The following ANKS1B variants were observed in gnomAD, a reference collection of about 807,000 sequenced individuals.
ANKS1B encodes ankyrin repeat and sterile alpha motif domain-containing protein 1B.
In ANKS1B, 36 loss-of-function variants were observed where a neutral mutation model predicts 148.3. The observed-to-expected ratio is 0.24, with a 90% CI of 0.19 to 0.32. The LOEUF is 0.32. Ranked by LOEUF, ANKS1B falls within the 10% of genes least tolerant of loss-of-function variation. The pLI is 1.00. For synonymous variants in ANKS1B, 542 were observed against 560.8 expected, an observed-to-expected ratio of 0.97 and a Z score of 0.47; for missense variants, 1,157 against 1,542.6, an observed-to-expected ratio of 0.75 and a Z score of 4.19.
At chr12:99,790,907 A>C (rs1344135217) in intron 4 of ANKS1B, among the ~76,000 whole-genome samples, 1 of 152,060 alleles carries the variant, frequency 6.6e-6, no homozygotes, top group Non-Finnish European at 1.5e-5. Context: ...ACAAAATGAC[A>C]GGAGTAAGTC....
intron 14 of ANKS1B, among the ~76,000 whole-genome samples, chr12:99,243,163 C>T (rs2089672848): frequency 6.6e-6 from 1 of 152,186 alleles, no homozygotes; most frequent in Non-Finnish European, 1.5e-5. Context: ...CTACAAAGAA[C>T]TTAAACAAAT....
rs538959953 is a variant in ANKS1B at position 99,667,586 on chromosome 12, C to T, written c.1129-12376G>A. ...ATCTTTATGCCTTTATTTTCTAGCCCTTGTCTTACTGCACTGGCCAGAATT... is the reference window on the plus strand; with the variant it reads ...ATCTTTATGCCTTTATTTTCTAGCCTTTGTCTTACTGCACTGGCCAGAATT... On this transcript the variant is annotated intron_variant, in intron 8 of 26. Transcript: ENST00000683438. Among the ~76,000 whole-genome samples the T allele has an allele frequency of 3.9e-5, 6 of 152,130 alleles. No homozygotes were observed. In the South Asian group the frequency reaches 1.0e-3, roughly 26 times the overall value.
chr12:99,416,630 T>G (rs370349284), intron 11 of ANKS1B, among the ~76,000 whole-genome samples: 97 of 152,334 alleles, frequency 6.4e-4, no homozygotes, highest in African/African-American at 2.3e-3. Context: ...GCTTATTTGC[T>G]GCCATCTACA....
At chr12:99,058,923 G>C (rs1337251773) in intron 16 of ANKS1B, among the ~76,000 whole-genome samples, 2 of 150,890 alleles carry the variant, frequency 1.3e-5, no homozygotes, top group Admixed American at 1.3e-4. Context: ...ATTTTTAGTA[G>C]AGACGGGGTT....
chr12:99,684,703 C>G (rs1316107570), intron 8 of ANKS1B, among the ~76,000 whole-genome samples: 2 of 152,106 alleles, frequency 1.3e-5, no homozygotes, highest in Admixed American at 6.6e-5. Context: ...GTCACCAAAA[C>G]AGCTTGGTAC....
intron 9 of ANKS1B, among the ~76,000 whole-genome samples, chr12:99,597,145 T>A (rs1597804612): frequency 6.6e-6 from 1 of 152,074 alleles, no homozygotes; most frequent in Non-Finnish European, 1.5e-5. Context: ...ATAATTGTAA[T>A]CTGTATTGCT....
intron 12 of ANKS1B, among the ~76,000 whole-genome samples, chr12:99,342,431 C>A (rs1472744559): frequency 6.6e-6 from 1 of 151,878 alleles, no homozygotes; most frequent in African/African-American, 2.4e-5. Flanking sequence ...TGTGGCTAAT[C>A]ATAGACAGTA....
chr12:98,979,532 A>G (rs1158272521), intron 17 of ANKS1B, among the ~76,000 whole-genome samples: 1 of 152,024 alleles, frequency 6.6e-6, no homozygotes, highest in Non-Finnish European at 1.5e-5. Context: ...CGGCCTCCCA[A>G]AGTGCTGGGA....
At position 98,901,574 on chromosome 12, in the gene ANKS1B, T is replaced by C. The variant is rs146908920; in HGVS notation, c.2779-69438A>G. Among the ~76,000 whole-genome samples, 182 of 152,352 alleles carry C rather than the reference T, an allele frequency of 1.2e-3. 1 individual carries two copies. Among genetic ancestry groups the C allele is most frequent in the Non-Finnish European group, 9.4e-4 (64 of 68,032 alleles). ...TAAATATGGATTTATAATCATGACATTGTGGAACTTTACCTCCCAATATGT... is the reference window on the plus strand; with the variant it reads ...TAAATATGGATTTATAATCATGACACTGTGGAACTTTACCTCCCAATATGT... On this transcript the variant is annotated intron_variant, in intron 17 of 26. Coordinates refer to ENST00000683438, the MANE Select transcript of ANKS1B (RefSeq NM_001352186.2).
rs557818156 is a variant in ANKS1B at position 99,163,894 on chromosome 12, C to T, written c.2420-9499G>A. 1.4e-4 allele frequency among the ~76,000 whole-genome samples: 21 copies of T among 152,202 alleles called. No individual in the cohort carries two copies. In the South Asian group the frequency reaches 4.1e-3, roughly 30 times the overall value. On this transcript the variant is annotated intron_variant, in intron 14 of 26. Transcript: ENST00000683438. ...CAGAGTGGCTGTACCATTTTACATT[C>T]CCATTAATAGTATACAAATGATGCA...
At chr12:99,395,948 T>C (rs1308275091) in intron 12 of ANKS1B, among the ~76,000 whole-genome samples, 1 of 152,128 alleles carries the variant, frequency 6.6e-6, no homozygotes, top group Non-Finnish European at 1.5e-5. Context: ...TACTTCTAAG[T>C]CAAGAAAAGG....
chr12:99,081,170 AC>A (rs1240941008), intron 16 of ANKS1B, among the ~76,000 whole-genome samples: 10 of 152,168 alleles, frequency 6.6e-5, no homozygotes, highest in Non-Finnish European at 1.3e-4. Context: ...AAAGGAATAA[AC>A]TTTTTTCTTT....
chr12:99,264,230 T>C (rs2076213148), intron 12 of ANKS1B, among the ~76,000 whole-genome samples: 1 of 152,062 alleles, frequency 6.6e-6, no homozygotes, highest in Non-Finnish European at 1.5e-5. Flanking sequence ...ACAATGAGAG[T>C]TTTCTTTTAT....
chr12:99,185,170 C>T (rs1327150847), intron 14 of ANKS1B, among the ~76,000 whole-genome samples: 1 of 152,118 alleles, frequency 6.6e-6, no homozygotes, highest in Non-Finnish European at 1.5e-5. Flanking sequence ...TAAAAAGTAT[C>T]AGATCATTGA....
At chr12:99,256,249 CAA>C (rs1249522263) in intron 12 of ANKS1B, among the ~76,000 whole-genome samples, 1 of 74,504 alleles carries the variant, frequency 1.3e-5, no homozygotes. Flanking sequence ...AACTCCATCT[CAA>C]AAAAAAAAAA....
chr12:99,071,667 A>G (rs1418473348), intron 16 of ANKS1B, among the ~76,000 whole-genome samples: 3 of 146,110 alleles, frequency 2.1e-5, no homozygotes, highest in Admixed American at 2.1e-4. Context: ...TTGTTTTTTG[A>G]GATGGAGTCT....
At chr12:99,012,702 T>C (rs1171125259) in intron 17 of ANKS1B, among the ~76,000 whole-genome samples, 2 of 152,200 alleles carry the variant, frequency 1.3e-5, no homozygotes, top group Non-Finnish European at 2.9e-5. Flanking sequence ...TTTTCTGCAC[T>C]TGGGTTGTAT....
chr12:99,292,580 A>G (rs1404917595), intron 12 of ANKS1B, among the ~76,000 whole-genome samples: 1 of 151,806 alleles, frequency 6.6e-6, no homozygotes, highest in East Asian at 1.9e-4. Context: ...GAATGGGAGA[A>G]AATTTTCACA....
At chr12:99,426,991 C>T (rs1427132843) in intron 11 of ANKS1B, among the ~76,000 whole-genome samples, 1 of 152,150 alleles carries the variant, frequency 6.6e-6, no homozygotes, top group African/African-American at 2.4e-5. Flanking sequence ...CTCCTAAATT[C>T]AACTCTATGG....
Sources: allele counts gnomAD v4.1 joint callset (sites outside exome capture counted in the v4.1 genomes callset), GRCh38; gene constraint gnomAD v4.1.1; transcripts MANE v1.5; gene names NCBI Gene and HGNC (gene_info 2026-07-23, HGNC 2026-07-21).